Variants in SLC4A4 observed in about 807,000 individuals in gnomAD.
SLC4A4 encodes solute carrier family 4 member 4.
Under a neutral mutation model 111.5 loss-of-function variants are expected in SLC4A4, and 27 were observed. The observed-to-expected ratio is 0.24, with a 90% CI of 0.18 to 0.33. The LOEUF is 0.33. Among genes scored for constraint, SLC4A4 ranks in the 10% least tolerant of loss-of-function variants. SLC4A4 has a pLI of 1.00. For missense variants in SLC4A4, 909 were observed against 1,315.5 expected (o/e 0.69, Z 4.78); for synonymous variants, 443 against 463.4 (o/e 0.96, Z 0.57).
chr4:71,204,499 TTC>T (rs1255013224), intron 1 of SLC4A4, among the ~76,000 whole-genome samples: 1 of 152,214 alleles, frequency 6.6e-6, no homozygotes, highest in East Asian at 1.9e-4. Flanking sequence ...TTCTTCTTGT[TTC>T]CATACAGGTT....
chr4:71,086,632 C>G (rs1353014769), intron 1 of SLC4A4, among the ~76,000 whole-genome samples: 1 of 151,954 alleles, frequency 6.6e-6, no homozygotes, highest in Non-Finnish European at 1.5e-5. Flanking sequence ...TGAATTTTGT[C>G]AAAGGCATTT....
intron 15 of SLC4A4, among the ~76,000 whole-genome samples, chr4:71,495,827 T>C (rs1316926860): frequency 6.6e-6 from 1 of 152,080 alleles, no homozygotes. Flanking sequence ...CCATTAGCCC[T>C]GGACCTAAGA....
At position 71,070,894 on chromosome 4, in the gene SLC4A4, G is replaced by T. The variant is rs1233238612; in HGVS notation, c.-65+8106G>T. The stretch of plus-strand genomic sequence containing the variant: ...AATCTGCATTAAAAAATACTATCAG[G>T]TTTGTGAATAGCAGCATTCTGTTGC... On this transcript the variant is annotated intron_variant, in intron 1 of 26. Coordinates refer to the SLC4A4 transcript ENST00000649996. 3.3e-5 allele frequency among the ~76,000 whole-genome samples: 5 copies of T among 152,302 alleles called. No homozygotes were observed. The East Asian group carries it at 9.6e-4, about 29-fold the overall frequency.
chr4:71,401,096 A>T (rs1720316878), intron 7 of SLC4A4, among the ~76,000 whole-genome samples: 2 of 152,172 alleles, frequency 1.3e-5, no homozygotes. Context: ...GGAGCTACCT[A>T]ACTTCTTAGT....
At chr4:71,323,445 T>G (rs1727273373) in intron 3 of SLC4A4, among the ~76,000 whole-genome samples, 1 of 151,966 alleles carries the variant, frequency 6.6e-6, no homozygotes, top group Non-Finnish European at 1.5e-5. Flanking sequence ...ATAGCTGGGT[T>G]TTTGGGGAAA....
chr4:71,245,615 A>G (rs1208815707), intron 2 of SLC4A4, among the ~76,000 whole-genome samples: 1 of 152,036 alleles, frequency 6.6e-6, no homozygotes, highest in Admixed American at 6.6e-5. Context: ...CCTTTTGTAT[A>G]TATTGAATTT....
chr4:71,337,986 C>T (rs537207326), intron 3 of SLC4A4, among the ~76,000 whole-genome samples: 10 of 152,036 alleles, frequency 6.6e-5, no homozygotes, highest in East Asian at 1.9e-4. Context: ...CACGCCACCA[C>T]GCCTGGCTAA....
chr4:71,098,548 T>A (rs1742625857), intron 2 of SLC4A4, among the ~76,000 whole-genome samples: 1 of 152,110 alleles, frequency 6.6e-6, no homozygotes, highest in Non-Finnish European at 1.5e-5. Context: ...AATAGTTTTT[T>A]CCACAAAAAG....
chr4:71,490,886 G>A (rs1729838327), intron 15 of SLC4A4, among the ~76,000 whole-genome samples: 1 of 151,668 alleles, frequency 6.6e-6, no homozygotes, highest in African/African-American at 2.4e-5. Flanking sequence ...CACCTGTAGG[G>A]TTATAGTGAG....
intron 6 of SLC4A4, among the ~76,000 whole-genome samples, chr4:71,383,595 C>T (rs1267012428): frequency 6.6e-6 from 1 of 152,088 alleles, no homozygotes; most frequent in Non-Finnish European, 1.5e-5. Flanking sequence ...TTTACTGTTT[C>T]GTAAGGATCT....
At chr4:71,278,942 A>T (rs564266173) in intron 3 of SLC4A4, among the ~76,000 whole-genome samples, 8 of 152,114 alleles carry the variant, frequency 5.3e-5, no homozygotes, top group African/African-American at 1.9e-4. Flanking sequence ...AGCTTTATTG[A>T]GGTATAATTG....
chr4:71,487,648 A>G (rs1189725622), intron 15 of SLC4A4, among the ~76,000 whole-genome samples: 2 of 151,664 alleles, frequency 1.3e-5, no homozygotes, highest in African/African-American at 4.8e-5. Flanking sequence ...TGCTCCTTCT[A>G]TGCTGAACAT....
chr4:71,539,886 G>T (rs926865235), intron 18 of SLC4A4, among the ~76,000 whole-genome samples: 1 of 152,094 alleles, frequency 6.6e-6, no homozygotes, highest in Non-Finnish European at 1.5e-5. Context: ...GCTCTCAGTT[G>T]TTACACTGTG....
intron 1 of SLC4A4, among the ~76,000 whole-genome samples, chr4:71,086,678 T>A (rs1423093317): frequency 6.6e-6 from 1 of 152,066 alleles, no homozygotes; most frequent in Admixed American, 6.5e-5. Flanking sequence ...GGTTTTTGTC[T>A]TTGGTTCTGT....
chr4:71,199,212 G>GC (rs1377442608), intron 1 of SLC4A4, among the ~76,000 whole-genome samples: 3 of 152,182 alleles, frequency 2.0e-5, no homozygotes, highest in Non-Finnish European at 4.4e-5. Flanking sequence ...AAGTTTACTG[G>GC]CCTCAGCATG....
chr4:71,329,696 A>G (rs1727809776), intron 3 of SLC4A4, among the ~76,000 whole-genome samples: 1 of 152,092 alleles, frequency 6.6e-6, no homozygotes, highest in Non-Finnish European at 1.5e-5. Flanking sequence ...TGAATTTATT[A>G]GTTCTAATAG....
chr4:71,427,142 T>C (rs932810437), intron 7 of SLC4A4, among the ~76,000 whole-genome samples: 7 of 152,116 alleles, frequency 4.6e-5, no homozygotes, highest in Non-Finnish European at 7.4e-5. Context: ...AGCAGTGTTA[T>C]ATATTTGTTT....
At chr4:71,505,704 G>T (rs1163616275) in intron 16 of SLC4A4, among the ~76,000 whole-genome samples, 1 of 151,876 alleles carries the variant, frequency 6.6e-6, no homozygotes, top group Non-Finnish European at 1.5e-5. Flanking sequence ...ATTAGATTCT[G>T]TTTGTTAATT....
At chr4:71,338,677 A>G (rs561007085) in intron 3 of SLC4A4, among the ~76,000 whole-genome samples, 49 of 149,588 alleles carry the variant, frequency 3.3e-4, no homozygotes, top group Non-Finnish European at 5.6e-4. Context: ...AGGGCATTCA[A>G]TTATGTGCTT....
Sources: gnomAD v4.1 joint callset for allele counts (sites outside exome capture counted in the v4.1 genomes callset) on GRCh38, gnomAD v4.1.1 for gene constraint, MANE v1.5 for transcripts, NCBI Gene and HGNC (gene_info 2026-07-23, HGNC 2026-07-21) for gene names.